GRIP1: variants seen among roughly 807,000 people sequenced by gnomAD.
GRIP1 encodes glutamate receptor-interacting protein 1.
In GRIP1, 45 loss-of-function variants were observed where a neutral mutation model predicts 129.9. The ratio of observed to expected loss-of-function variants is 0.35; its 90% confidence interval spans 0.27 to 0.44. The LOEUF is 0.44. Ranked by LOEUF, GRIP1 falls within the 20% of genes least tolerant of loss-of-function variation. The pLI is 1.00. For missense variants in GRIP1, 1,196 were observed against 1,396.8 expected (o/e 0.86, Z 2.29); for synonymous variants, 530 against 520.8 (o/e 1.02, Z -0.24).
At chr12:66,413,079 G>T (rs112917347) in intron 15 of GRIP1, among the ~76,000 whole-genome samples, 1 of 152,024 alleles carries the variant, frequency 6.6e-6, no homozygotes, top group African/African-American at 2.4e-5. Context: ...AGATATTCAG[G>T]ACTCGAACTC....
At chr12:66,865,460 A>T (rs1000987387) in intron 1 of GRIP1, among the ~76,000 whole-genome samples, 1 of 145,590 alleles carries the variant, frequency 6.9e-6, no homozygotes, top group African/African-American at 2.4e-5. Context: ...GAGCTAGCAG[A>T]TCTTTGTGGT....
intron 1 of GRIP1, among the ~76,000 whole-genome samples, chr12:66,875,981 G>C (rs1330484917): frequency 6.6e-6 from 1 of 152,028 alleles, no homozygotes; most frequent in Admixed American, 6.6e-5. Context: ...CTGTACCAAT[G>C]TAAAAAGGAT....
At chr12:66,934,670 T>C (rs1355331502) in intron 1 of GRIP1, among the ~76,000 whole-genome samples, 1 of 152,226 alleles carries the variant, frequency 6.6e-6, no homozygotes, top group East Asian at 1.9e-4. Context: ...CTGTCTACCA[T>C]GGAATATTTA....
chr12:66,994,153 T>A (rs2042433189), intron 1 of GRIP1, among the ~76,000 whole-genome samples: 1 of 151,800 alleles, frequency 6.6e-6, no homozygotes, highest in Non-Finnish European at 1.5e-5. Context: ...CACAACACAT[T>A]TCCTGAGGCC....
intron 22 of GRIP1, chr12:66,372,316 G>A (rs17102422): frequency 0.016 from 5,015 of 305,804 alleles, 264 homozygotes; most frequent in African/African-American, 0.1. Flanking sequence ...TTACAGAAAC[G>A]AATTAAGAAC....
At chr12:67,001,730 C>T (rs986910000) in intron 1 of GRIP1, among the ~76,000 whole-genome samples, 11 of 152,078 alleles carry the variant, frequency 7.2e-5, no homozygotes, top group African/African-American at 2.7e-4. Context: ...AAAGACCCCA[C>T]CACTCACTCT....
At chr12:66,953,165 G>T (rs1323324034) in intron 1 of GRIP1, among the ~76,000 whole-genome samples, 3 of 152,160 alleles carry the variant, frequency 2.0e-5, no homozygotes, top group Non-Finnish European at 4.4e-5. Flanking sequence ...TGTATTCAAG[G>T]ATTCATTTTA....
intron 1 of GRIP1, among the ~76,000 whole-genome samples, chr12:66,631,480 A>C (rs1048594015): frequency 3.4e-4 from 51 of 152,228 alleles, no homozygotes; most frequent in African/African-American, 1.2e-3. Flanking sequence ...TACTAACAAA[A>C]CAATACTATC....
At chr12:66,931,509 C>T (rs144947272) in intron 1 of GRIP1, among the ~76,000 whole-genome samples, 1 of 152,122 alleles carries the variant, frequency 6.6e-6, no homozygotes, top group African/African-American at 2.4e-5. Context: ...AGAAATAGAT[C>T]GTAGTCATCT....
chr12:66,806,164 T>C (rs1457733783), upstream of GRIP1, among the ~76,000 whole-genome samples: 1 of 151,936 alleles, frequency 6.6e-6, no homozygotes, highest in Non-Finnish European at 1.5e-5. Context: ...AATAATGAGG[T>C]GAATGTCATT....
At chr12:66,914,698 T>G (rs1324071652) in intron 1 of GRIP1, among the ~76,000 whole-genome samples, 4 of 152,210 alleles carry the variant, frequency 2.6e-5, no homozygotes, top group Non-Finnish European at 4.4e-5. Flanking sequence ...GTGAGGGGTT[T>G]GGTGGTTCAG....
At chr12:66,882,812 GT>G (rs2040502765) in intron 1 of GRIP1, among the ~76,000 whole-genome samples, 2 of 152,164 alleles carry the variant, frequency 1.3e-5, no homozygotes, top group South Asian at 4.1e-4. Flanking sequence ...CAGTAGCCCT[GT>G]GGGCCAGAAG....
chr12:66,637,186 T>G (rs903478779), intron 1 of GRIP1, among the ~76,000 whole-genome samples: 1 of 151,782 alleles, frequency 6.6e-6, no homozygotes, highest in Non-Finnish European at 1.5e-5. Flanking sequence ...AAATGTACAC[T>G]GATGGGAGAG....
chr12:66,828,320 G>A (rs539656787), intron 1 of GRIP1, among the ~76,000 whole-genome samples: 10 of 152,158 alleles, frequency 6.6e-5, no homozygotes, highest in African/African-American at 2.4e-4. Context: ...CTAATGAATA[G>A]GCATGATACT....
intron 1 of GRIP1, among the ~76,000 whole-genome samples, chr12:67,037,842 T>C (rs1285636936): frequency 6.6e-6 from 1 of 152,190 alleles, no homozygotes; most frequent in African/African-American, 2.4e-5. Context: ...CTACAGTGTG[T>C]TTGGTCTAGA....
chr12:66,716,457 A>C (rs866914372), intron 1 of GRIP1, among the ~76,000 whole-genome samples: 134 of 151,562 alleles, frequency 8.8e-4, no homozygotes, highest in African/African-American at 3.1e-3. Flanking sequence ...GTCCATGATA[A>C]TTAGCTAGGT....
At chr12:66,488,706 A>G (rs12831972) in intron 7 of GRIP1, among the ~76,000 whole-genome samples, 91,623 of 145,026 alleles carry the variant, frequency 0.63, 28,279 homozygotes, top group Middle Eastern at 0.76. Context: ...GAAAAAATTA[A>G]TAAAATAGAC....
chr12:66,861,169 C>T (rs565280967), intron 1 of GRIP1, among the ~76,000 whole-genome samples: 1 of 152,240 alleles, frequency 6.6e-6, no homozygotes, highest in South Asian at 2.1e-4. Context: ...TAATAATATT[C>T]TGGCATATGA....
At chr12:66,800,635 T>C (rs934128637) in intron 1 of GRIP1, among the ~76,000 whole-genome samples, 1 of 152,110 alleles carries the variant, frequency 6.6e-6, no homozygotes, top group African/African-American at 2.4e-5. Context: ...TGAATTAACA[T>C]ATGACCTGCC....
Sources: gnomAD v4.1 joint callset for allele counts (sites outside exome capture counted in the v4.1 genomes callset) on GRCh38, gnomAD v4.1.1 for gene constraint, MANE v1.5 for transcripts, NCBI Gene and HGNC (gene_info 2026-07-23, HGNC 2026-07-21) for gene names.